AGTPBP1: variants seen among roughly 807,000 people sequenced by gnomAD.
AGTPBP1 encodes ATP/GTP binding carboxypeptidase 1.
Under a neutral mutation model 143.9 loss-of-function variants are expected in AGTPBP1, and 70 were observed. The ratio of observed to expected loss-of-function variants is 0.49; its 90% confidence interval spans 0.40 to 0.59. AGTPBP1 has a LOEUF of 0.59. Ranked by LOEUF, AGTPBP1 falls within the 20% of genes least tolerant of loss-of-function variation. AGTPBP1 has a pLI of 0.00. For synonymous variants in AGTPBP1, 463 were observed against 500.2 expected, an observed-to-expected ratio of 0.93 and a Z score of 0.99; for missense variants, 1,229 against 1,464.5, an observed-to-expected ratio of 0.84 and a Z score of 2.62.
chr9:85,752,936 G>T, the AGTPBP1 span, among the ~76,000 whole-genome samples: 1 of 152,168 alleles, frequency 6.6e-6, no homozygotes, highest in Non-Finnish European at 1.5e-5. Context: ...GATTACTTGA[G>T]CCCAGGAGCC....
intron 2 of AGTPBP1, among the ~76,000 whole-genome samples, chr9:85,708,122 G>A (rs948210408): frequency 6.6e-6 from 1 of 152,116 alleles, no homozygotes; most frequent in Non-Finnish European, 1.5e-5. Context: ...GGCTCTGAGG[G>A]AGAATCCATT....
At chr9:85,681,767 T>TTTTGG (rs1835193662) in intron 3 of AGTPBP1, among the ~76,000 whole-genome samples, 1 of 147,006 alleles carries the variant, frequency 6.8e-6, no homozygotes. Context: ...TTTTTTTTTT[T>TTTTGG]GAGACGGAGT....
In AGTPBP1 at chr9:85,655,126, T is replaced by C. The variant is rs750102717; in HGVS notation, c.1087+17A>G. On this transcript the variant is annotated intron_variant, in intron 11 of 25. Coordinates refer to ENST00000357081, the MANE Select transcript of AGTPBP1 (RefSeq NM_001330701.2). ...TCTAAGAACCCACAAAAAGCAGCAG[T>C]GACCCTGTGATCCTACCTTCAGGAG... 6 of 1,571,494 alleles carry C rather than the reference T, an allele frequency of 3.8e-6. No homozygotes were observed. In the South Asian group the frequency reaches 7.1e-5, roughly 19 times the overall value.
At chr9:85,769,050 CAAA>C in the AGTPBP1 span, among the ~76,000 whole-genome samples, 14 of 60,096 alleles carry the variant, frequency 2.3e-4, no homozygotes, top group Admixed American at 5.8e-4. Flanking sequence ...GAGGCCCTGT[CAAA>C]AAAAAAAAAA....
In AGTPBP1 at chr9:85,657,496, T is replaced by G. The variant is rs778814692; in HGVS notation, c.848A>C (p.Lys283Thr). The stretch of plus-strand genomic sequence containing the variant: ...ATCAATAAATGCTTTTCTTCCCAAC[T>G]TGATGTTTGTAACACTTTTTAAACT... ...LQSLKSVTNIKLGRKAFIDAN... is the reference protein window; with the variant it reads ...LQSLKSVTNITLGRKAFIDAN... Residue 283 changes from lysine (K) to threonine (T), a missense_variant, in exon 10 of 26, where the codon AAG becomes ACG. Lys to Thr is a moderately conservative substitution (Grantham distance 78, BLOSUM62 -1). Coordinates refer to ENST00000357081, the MANE Select transcript of AGTPBP1 (RefSeq NM_001330701.2). The G allele has an allele frequency of 6.2e-7, 1 of 1,613,916 alleles. No individual in the cohort carries two copies. Among genetic ancestry groups the G allele is most frequent in the South Asian group, 1.1e-5 (1 of 91,068 alleles).
chr9:85,589,725 TC>T (rs753393795), intron 19 of AGTPBP1, 44 bp from the exon 20 acceptor site: 142 of 1,539,366 alleles, frequency 9.2e-5, no homozygotes, highest in Non-Finnish European at 1.2e-4. Context: ...ACTTAAAAAG[TC>T]CCTATGATAT....
chr9:85,793,191 T>A, the AGTPBP1 span, among the ~76,000 whole-genome samples: 6 of 152,284 alleles, frequency 3.9e-5, no homozygotes, highest in East Asian at 1.2e-3. Flanking sequence ...TTATTACTTA[T>A]TTTTTTAGTA....
intron 13 of AGTPBP1, among the ~76,000 whole-genome samples, chr9:85,639,400 T>C (rs554989273): frequency 6.1e-4 from 74 of 120,614 alleles, no homozygotes; most frequent in Middle Eastern, 8.8e-3. Context: ...CACACACACA[T>C]ATGAAAAGAA....
At chr9:85,769,801 C>A in the AGTPBP1 span, among the ~76,000 whole-genome samples, 2 of 151,964 alleles carry the variant, frequency 1.3e-5, no homozygotes, top group South Asian at 4.2e-4. Context: ...TTTGATAGAT[C>A]ACTGAAGGGA....
intron 25 of AGTPBP1, among the ~76,000 whole-genome samples, chr9:85,574,272 G>A (rs1361478950): frequency 1.3e-5 from 2 of 152,034 alleles, no homozygotes; most frequent in Non-Finnish European, 2.9e-5. Context: ...CTTGAAGGCA[G>A]CATGCTCATT....
At chr9:85,698,071 T>C (rs940567453) in intron 2 of AGTPBP1, among the ~76,000 whole-genome samples, 2 of 152,126 alleles carry the variant, frequency 1.3e-5, no homozygotes, top group South Asian at 2.1e-4. Context: ...TTTTTCGTTA[T>C]TTTTCTTTTA....
chr9:85,580,871 T>C (rs1156782529), intron 23 of AGTPBP1, among the ~76,000 whole-genome samples: 1 of 152,178 alleles, frequency 6.6e-6, no homozygotes, highest in Non-Finnish European at 1.5e-5. Context: ...AGATGATCAA[T>C]AAATATTGTC....
At chr9:85,547,448 G>C (rs1420787919) in intron 25 of AGTPBP1, among the ~76,000 whole-genome samples, 162 bp from the exon 26 acceptor site, 1 of 152,166 alleles carries the variant, frequency 6.6e-6, no homozygotes, top group Admixed American at 6.5e-5. Flanking sequence ...TATAATAGGT[G>C]AAAGTTCCTT....
intron 3 of AGTPBP1, 75 bp downstream of exon 3, chr9:85,692,614 G>A: frequency 6.5e-7 from 1 of 1,546,058 alleles, no homozygotes; most frequent in South Asian, 1.2e-5. Flanking sequence ...ATTATTAGAA[G>A]TTTGAACATT....
At chr9:85,672,424 G>A in intron 7 of AGTPBP1, 126 bp downstream of exon 7, 2 of 1,103,050 alleles carry the variant, frequency 1.8e-6, no homozygotes, top group Non-Finnish European at 2.5e-6. Flanking sequence ...GAGTTAAAAT[G>A]AGCCATATTA....
upstream of AGTPBP1, among the ~76,000 whole-genome samples, chr9:85,743,921 T>A (rs1824543807): frequency 8.7e-6 from 1 of 114,674 alleles, no homozygotes; most frequent in Non-Finnish European, 1.7e-5. Context: ...TTTTTCTTTT[T>A]CTTTCTTTTT....
chr9:85,568,375 T>C (rs1827243411), intron 25 of AGTPBP1, among the ~76,000 whole-genome samples: 1 of 152,188 alleles, frequency 6.6e-6, no homozygotes, highest in African/African-American at 2.4e-5. Context: ...AAACAGAAAC[T>C]GGTCCTTTGC....
the AGTPBP1 span, among the ~76,000 whole-genome samples, chr9:85,803,897 A>C: frequency 1.3e-5 from 2 of 152,102 alleles, no homozygotes; most frequent in East Asian, 3.8e-4. Flanking sequence ...TAGAAACTCA[A>C]AACCTCCACT....
intron 4 of AGTPBP1, among the ~76,000 whole-genome samples, chr9:85,679,469 G>C (rs578228448): frequency 2.0e-5 from 3 of 151,858 alleles, no homozygotes; most frequent in Admixed American, 6.6e-5. Context: ...GTGCAGTGGC[G>C]CAATCTCGGC....
Sources: allele counts gnomAD v4.1 joint callset (sites outside exome capture counted in the v4.1 genomes callset), GRCh38; gene constraint gnomAD v4.1.1; transcripts MANE v1.5; gene names NCBI Gene and HGNC (gene_info 2026-07-23, HGNC 2026-07-21).